The following KLF7 variants were observed in gnomAD, a reference collection of about 807,000 sequenced individuals.
KLF7 encodes the protein Krueppel-like factor 7.
A neutral mutation model predicts 27.3 loss-of-function variants in KLF7; 2 were observed. The observed-to-expected ratio is 0.07, with a 90% CI of 0.03 to 0.23. The LOEUF (loss-of-function observed/expected upper bound fraction) is 0.23, where lower values mean the gene tolerates loss of function less well. Among genes scored for constraint, KLF7 ranks in the 10% least tolerant of loss-of-function variants. KLF7 has a pLI of 1.00. For missense variants in KLF7, 221 were observed against 394.1 expected (o/e 0.56, Z 3.72); for synonymous variants, 165 against 162.4 (o/e 1.02, Z -0.12).
intron 2 of KLF7, among the ~76,000 whole-genome samples, chr2:207,098,834 G>C (rs887741763): frequency 7.4e-6 from 1 of 135,192 alleles, no homozygotes; most frequent in South Asian, 2.3e-4. Context: ...TGCACAGGCC[G>C]GTCTTGAACT....
rs996816458 is a variant in KLF7, at chr2:207,076,056, C to A, written c.*5157G>T. The A allele has an allele frequency of 5.9e-5, 9 of 152,052 alleles. No homozygotes were observed. The highest frequency in any genetic ancestry group is 2.1e-4 in the South Asian group (1 of 4,810). The allele number at this position is 152,052 out of a possible 1,614,324, so 9.4% of individuals were successfully genotyped here. A position where few individuals can be genotyped will look rare whatever the true frequency, so the allele number is the denominator to read the frequency against. On this transcript the variant is annotated 3_prime_UTR_variant, in exon 4 of 4. Coordinates refer to ENST00000309446, the MANE Select transcript of KLF7 (RefSeq NM_003709.4). ...TGGCAATTATAAGCATCCATCCCCCCCAAAAGATATTAGGCACTGGTGGCT... is the reference window on the plus strand; with the variant it reads ...TGGCAATTATAAGCATCCATCCCCCACAAAAGATATTAGGCACTGGTGGCT...
chr2:207,165,400 A>C, intron 1 of KLF7, 67 bp downstream of exon 1: 1 of 1,609,632 alleles, frequency 6.2e-7, no homozygotes, highest in Admixed American at 1.7e-5. Flanking sequence ...CCCAGAGCCC[A>C]CACCAACGCA....
rs886904611 is a variant in KLF7 at position 207,131,075 on chromosome 2, T to C, written c.103-6671A>G. On this transcript the variant is annotated intron_variant, in intron 1 of 3. Coordinates refer to ENST00000309446, the MANE Select transcript of KLF7 (RefSeq NM_003709.4). ...GAGATTAAACAAATTGGGGACAGAATGTAGATATAAAAGCATGGGAAAGTG... is the reference window on the plus strand; with the variant it reads ...GAGATTAAACAAATTGGGGACAGAACGTAGATATAAAAGCATGGGAAAGTG... Among the ~76,000 whole-genome samples the C allele has an allele frequency of 3.9e-5, 6 of 152,156 alleles. No individual in the cohort carries two copies. The East Asian group carries it at 1.2e-3, about 29-fold the overall frequency.
chr2:207,124,303 C>T lies in KLF7; in HGVS notation c.204G>A (p.Pro68=), dbSNP rs762688630. Residue 68 remains proline, a synonymous_variant, in exon 2 of 4, where the codon CCG becomes CCA. Transcript: ENST00000309446. ...AGCGACGGAAGCTTTCCTCAATGCACGGGGGAGGGGAAGCGTGGAGGAAAC... is the reference window on the plus strand; with the variant it reads ...AGCGACGGAAGCTTTCCTCAATGCATGGGGGAGGGGAAGCGTGGAGGAAAC... The part of the protein sequence containing the change: ...LDCFLHASPP[P]CIEESFRRLD... 42 of 1,613,170 alleles carry T rather than the reference C, an allele frequency of 2.6e-5. No homozygotes were observed. Among genetic ancestry groups the T allele is most frequent in the East Asian group, 1.1e-4 (5 of 44,844 alleles).
chr2:207,142,581 A>C (rs980677915), intron 1 of KLF7, among the ~76,000 whole-genome samples: 4 of 152,216 alleles, frequency 2.6e-5, no homozygotes, highest in Admixed American at 2.6e-4. Flanking sequence ...ACAGAGAAGG[A>C]ACCCACTCAC....
chr2:207,113,362 G>T (rs996583545), intron 2 of KLF7, among the ~76,000 whole-genome samples: 35 of 152,066 alleles, frequency 2.3e-4, no homozygotes, highest in Non-Finnish European at 4.0e-4. Context: ...ACTTTAATGT[G>T]TTTCCATAGC....
rs755879097 is a variant in KLF7, at chr2:207,088,568, A to G, written c.747T>C (p.Tyr249=). The change falls in exon 3 of 4, where the codon TAT becomes TAC. Residue 249 remains tyrosine, a synonymous_variant. Coordinates refer to ENST00000309446, the MANE Select transcript of KLF7 (RefSeq NM_003709.4). ...ACTCACATCCCTCCCATGAGCACTTATAAGGCTTCTCACCTGCAAGAAGAG... is the reference window on the plus strand; with the variant it reads ...ACTCACATCCCTCCCATGAGCACTTGTAAGGCTTCTCACCTGCAAGAAGAG... ...HQRTHTGEKP[Y]KCSWEGCEWR... The G allele has an allele frequency of 5.6e-6, 9 of 1,613,842 alleles. No individual in the cohort carries two copies. The South Asian group carries it at 8.8e-5, about 16-fold the overall frequency.
intron 1 of KLF7, among the ~76,000 whole-genome samples, chr2:207,161,988 C>G (rs1448858693): frequency 6.6e-6 from 1 of 152,178 alleles, no homozygotes; most frequent in Non-Finnish European, 1.5e-5. Context: ...ATGCGATGCT[C>G]CTCAATGACA....
intron 2 of KLF7, among the ~76,000 whole-genome samples, chr2:207,114,291 C>A (rs2077118487): frequency 6.6e-6 from 1 of 152,134 alleles, no homozygotes; most frequent in Non-Finnish European, 1.5e-5. Context: ...GGCTCATGAC[C>A]AATTGAGAAT....
At chr2:207,164,549 C>G (rs1302239910) in intron 1 of KLF7, among the ~76,000 whole-genome samples, 1 of 147,264 alleles carries the variant, frequency 6.8e-6, no homozygotes, top group African/African-American at 2.5e-5. Context: ...CCAGCACTTT[C>G]CACTGACCAG....
At chr2:207,132,361 CTGGTAAT>C (rs1171876779) in intron 1 of KLF7, among the ~76,000 whole-genome samples, 1 of 152,220 alleles carries the variant, frequency 6.6e-6, no homozygotes, top group Non-Finnish European at 1.5e-5. Context: ...ATATTTCCCT[CTGGTAAT>C]TTGTAAATTT....
At chr2:207,086,568 A>G (rs897718612) in intron 3 of KLF7, among the ~76,000 whole-genome samples, 1 of 152,260 alleles carries the variant, frequency 6.6e-6, no homozygotes, top group African/African-American at 2.4e-5. Context: ...AAAACAAAGC[A>G]AAAGACTAAC....
rs937337366 is a variant in KLF7 at position 207,109,083 on chromosome 2, A to G, written c.733+14691T>C. ...GAAAAGTTTCTATTTGCTATTTCTC[A>G]TCAAGAATTATCTAAAATATGCAAA... On this transcript the variant is annotated intron_variant, in intron 2 of 3. Coordinates refer to ENST00000309446, the MANE Select transcript of KLF7 (RefSeq NM_003709.4). 2.0e-5 allele frequency among the ~76,000 whole-genome samples: 3 copies of G among 152,244 alleles called. No homozygotes were observed. The East Asian group carries it at 5.8e-4, about 29-fold the overall frequency.
At chr2:207,167,129 A>G (rs543276967), upstream of KLF7, 31 of 1,439,688 alleles carry the variant, frequency 2.2e-5, no homozygotes, top group South Asian at 3.3e-4. Flanking sequence ...CCTTTACGTG[A>G]TGAGGCTCAC....
intron 2 of KLF7, among the ~76,000 whole-genome samples, chr2:207,103,875 A>C (rs1346328585): frequency 2.6e-5 from 4 of 152,232 alleles, no homozygotes. Context: ...TAATTATTAA[A>C]ACATTTTATC....
At position 207,074,236 on chromosome 2, in the gene KLF7, T is replaced by C. The variant is rs1002883692; in HGVS notation, c.*6977A>G. On this transcript the variant is annotated 3_prime_UTR_variant, in exon 4 of 4. Transcript: ENST00000309446. ...TATCCACTTCTGTAAGTCCAAAGAA[T>C]GCAAAGAAAGCTTGACTACTGCTGT... The C allele has an allele frequency of 1.3e-5, 2 of 152,208 alleles. No individual in the cohort carries two copies. The highest frequency in any genetic ancestry group is 6.5e-5 in the Admixed American group (1 of 15,270). The allele number at this position is 152,208 out of a possible 1,614,324, so 9.4% of individuals were successfully genotyped here. A position where few individuals can be genotyped will look rare whatever the true frequency, so the allele number is the denominator to read the frequency against.
intron 1 of KLF7, among the ~76,000 whole-genome samples, chr2:207,163,383 A>T (rs1161685210): frequency 6.6e-6 from 1 of 152,134 alleles, no homozygotes; most frequent in Non-Finnish European, 1.5e-5. Context: ...ACTAAACTAG[A>T]GCTTCCCTGA....
At chr2:207,140,457 T>G (rs969273157) in intron 1 of KLF7, among the ~76,000 whole-genome samples, 1 of 152,170 alleles carries the variant, frequency 6.6e-6, no homozygotes, top group African/African-American at 2.4e-5. Context: ...CACCCATCCC[T>G]TTTGTTCAAA....
chr2:207,099,886 T>C (rs960537296), intron 2 of KLF7, among the ~76,000 whole-genome samples: 3 of 152,080 alleles, frequency 2.0e-5, no homozygotes. Flanking sequence ...TCCCAGCACT[T>C]TGGGAGGCCA....
Sources: allele counts gnomAD v4.1 joint callset (sites outside exome capture counted in the v4.1 genomes callset), GRCh38; gene constraint gnomAD v4.1.1; transcripts MANE v1.5; gene names NCBI Gene and HGNC (gene_info 2026-07-23, HGNC 2026-07-21).